CWC22: variants seen among roughly 807,000 people sequenced by gnomAD.
The protein encoded by CWC22 is CWC22 spliceosome associated protein, also known as pre-mRNA-splicing factor CWC22 homolog.
In CWC22, 53 loss-of-function variants were observed where a neutral mutation model predicts 117.2. The ratio of observed to expected loss-of-function variants is 0.45; its 90% CI spans 0.36 to 0.57. CWC22 has a LOEUF of 0.57. Among genes scored for constraint, CWC22 ranks in the 20% least tolerant of loss-of-function variants. CWC22 has a pLI of 0.00. For synonymous variants in CWC22, 360 were observed against 355.6 expected, an observed-to-expected ratio of 1.01 and a Z score of -0.14; for missense variants, 980 against 1,068.8, an observed-to-expected ratio of 0.92 and a Z score of 1.16.
At chr2:179,998,748 AT>A (rs199915491) in intron 1 of CWC22, among the ~76,000 whole-genome samples, 4,133 of 152,184 alleles carry the variant, frequency 0.027, 104 homozygotes, top group Non-Finnish European at 0.04. Flanking sequence ...ATTCCTTTTT[AT>A]TTAATTTAGC....
intron 16 of CWC22, among the ~76,000 whole-genome samples, chr2:179,953,888 T>C (rs992584877): frequency 6.6e-6 from 1 of 152,116 alleles, no homozygotes; most frequent in Admixed American, 6.6e-5. Flanking sequence ...CATATGTGGA[T>C]GTGAGTGTGC....
intron 2 of CWC22, among the ~76,000 whole-genome samples, chr2:179,990,957 A>T (rs2105552580): frequency 6.6e-6 from 1 of 152,354 alleles, no homozygotes; most frequent in Middle Eastern, 3.4e-3. Context: ...CACCAAGTTA[A>T]GAATCACTTT....
intron 6 of CWC22, among the ~76,000 whole-genome samples, chr2:179,975,665 A>T (rs1356204648): frequency 1.3e-5 from 2 of 152,138 alleles, no homozygotes; most frequent in Non-Finnish European, 2.9e-5. Flanking sequence ...TCAAGAAAAC[A>T]TCCCATTTAC....
At chr2:179,963,714 T>C (rs1014321298) in intron 13 of CWC22, among the ~76,000 whole-genome samples, 1 of 152,258 alleles carries the variant, frequency 6.6e-6, no homozygotes, top group Non-Finnish European at 1.5e-5. Flanking sequence ...AATGTTTTGC[T>C]GTTTAACGTT....
chr2:179,984,757 G>A (rs992566526), intron 4 of CWC22, among the ~76,000 whole-genome samples: 2 of 152,018 alleles, frequency 1.3e-5, no homozygotes, highest in African/African-American at 4.8e-5. Flanking sequence ...GAAAATGGTT[G>A]TTACAGAGAC....
chr2:179,976,122 G>A (rs918194683), intron 6 of CWC22, among the ~76,000 whole-genome samples: 7 of 152,112 alleles, frequency 4.6e-5, no homozygotes, highest in Non-Finnish European at 8.8e-5. Flanking sequence ...ACTGATTTTC[G>A]ACAAAGATGC....
At chr2:179,961,129 G>T (rs924198402) in intron 13 of CWC22, among the ~76,000 whole-genome samples, 1 of 151,752 alleles carries the variant, frequency 6.6e-6, no homozygotes, top group African/African-American at 2.4e-5. Context: ...AAAATAACTT[G>T]CAAGAAAAAA....
chr2:179,959,005 A>C lies in CWC22; in HGVS notation c.1458+17T>G. On this transcript the variant is annotated intron_variant, in intron 14 of 19. Transcript: ENST00000410053. Reference sequence around the variant, plus strand: ...AACCAATATATACATTTCCTAATAGAAAAAGTATTAACATACTGTTTGGCT... The same window carrying C: ...AACCAATATATACATTTCCTAATAGCAAAAGTATTAACATACTGTTTGGCT... 6 of 1,487,870 alleles carry C rather than the reference A, an allele frequency of 4.0e-6. No individual in the cohort carries two copies. The highest frequency in any genetic ancestry group is 4.6e-6 in the Non-Finnish European group (5 of 1,087,808). The allele number at this position is 1,487,870 out of a possible 1,614,324, so 92.2% of individuals were successfully genotyped here.
intron 1 of CWC22, among the ~76,000 whole-genome samples, chr2:180,000,362 C>A (rs990766174): frequency 1.3e-5 from 2 of 152,158 alleles, no homozygotes; most frequent in African/African-American, 4.8e-5. Flanking sequence ...AAGCATGTGG[C>A]AACTCACTTG....
chr2:179,981,365 C>T (rs1687282278), intron 5 of CWC22, among the ~76,000 whole-genome samples: 1 of 152,078 alleles, frequency 6.6e-6, no homozygotes, highest in African/African-American at 2.4e-5. Context: ...TTGCTGACTC[C>T]TGGTTTACAA....
At chr2:179,981,466 T>C (rs994518299) in intron 5 of CWC22, among the ~76,000 whole-genome samples, 1 of 152,152 alleles carries the variant, frequency 6.6e-6, no homozygotes, top group African/African-American at 2.4e-5. Flanking sequence ...CATGAAACTA[T>C]GAAAGGAACA....
chr2:180,005,183 T>C (rs1226941564), intron 1 of CWC22, among the ~76,000 whole-genome samples: 1 of 152,190 alleles, frequency 6.6e-6, no homozygotes, highest in Non-Finnish European at 1.5e-5. Context: ...CACCAGTGTA[T>C]TAGATCAAAG....
intron 19 of CWC22, 144 bp from the exon 20 acceptor site, chr2:179,945,859 T>A (rs1336325491): frequency 1.7e-6 from 1 of 591,094 alleles, no homozygotes; most frequent in Non-Finnish European, 2.9e-6. Context: ...GAAAGTCTGA[T>A]GACACAGAGT....
At chr2:179,976,756 G>C (rs1341128913) in intron 6 of CWC22, among the ~76,000 whole-genome samples, 1 of 152,200 alleles carries the variant, frequency 6.6e-6, no homozygotes, top group Non-Finnish European at 1.5e-5. Context: ...AATAGCAAGT[G>C]TTGCCAAGGA....
At chr2:179,974,045 T>C (rs1354158579) in intron 6 of CWC22, among the ~76,000 whole-genome samples, 1 of 152,220 alleles carries the variant, frequency 6.6e-6, no homozygotes, top group Non-Finnish European at 1.5e-5. Flanking sequence ...AATTTTTCTC[T>C]CTACATATAA....
At position 179,954,939 on chromosome 2, in the gene CWC22, G is replaced by A; in HGVS notation, c.1536+18C>T. The A allele has an allele frequency of 1.4e-6, 2 of 1,422,700 alleles. No homozygotes were observed. The highest frequency in any genetic ancestry group is 3.6e-5 in the Admixed American group (2 of 54,800). The allele number at this position is 1,422,700 out of a possible 1,614,324, so 88.1% of individuals were successfully genotyped here. A position where few individuals can be genotyped will look rare whatever the true frequency, so the allele number is the denominator to read the frequency against. On this transcript the variant is annotated intron_variant, in intron 15 of 19. Transcript: ENST00000410053. ...AATATTCGTTTTAAGAATTCCCTCA[G>A]TAGAGGCTGGAACTCACCCCAGCTA...
chr2:180,005,677 A>G (rs1373194190), intron 1 of CWC22, among the ~76,000 whole-genome samples: 3 of 152,250 alleles, frequency 2.0e-5, no homozygotes, highest in Non-Finnish European at 4.4e-5. Context: ...AGGAACAGAG[A>G]GAACTCATCA....
At chr2:180,003,031 A>G (rs544675792) in intron 1 of CWC22, among the ~76,000 whole-genome samples, 1 of 152,314 alleles carries the variant, frequency 6.6e-6, no homozygotes, top group Non-Finnish European at 1.5e-5. Context: ...GGGAGTGTAG[A>G]TTTCTGCTGA....
intron 1 of CWC22, among the ~76,000 whole-genome samples, chr2:180,003,682 G>A (rs554252880): frequency 1.3e-5 from 2 of 152,042 alleles, no homozygotes; most frequent in African/African-American, 2.4e-5. Context: ...GGACTCACAG[G>A]GTAACTTTTC....
Sources: allele counts gnomAD v4.1 joint callset (sites outside exome capture counted in the v4.1 genomes callset), GRCh38; gene constraint gnomAD v4.1.1; transcripts MANE v1.5; gene names NCBI Gene and HGNC (gene_info 2026-07-23, HGNC 2026-07-21).